SCFD1: variants seen among roughly 807,000 people sequenced by gnomAD.
SCFD1 encodes the protein sec1 family domain containing 1, also known as sec1 family domain-containing protein 1.
A neutral mutation model predicts 103.2 loss-of-function variants in SCFD1; 37 were observed. That is an observed-to-expected ratio of 0.36 (90% CI 0.28 to 0.47). The LOEUF is 0.47. Among genes scored for constraint, SCFD1 ranks in the 20% least tolerant of loss-of-function variants. The pLI is 1.00. For missense variants in SCFD1, 639 were observed against 761.2 expected, an observed-to-expected ratio of 0.84 and a Z score of 1.89; for synonymous variants, 264 against 245.0, an observed-to-expected ratio of 1.08 and a Z score of -0.73.
chr14:30,632,163 A>G (rs1473256762), intron 3 of SCFD1, among the ~76,000 whole-genome samples: 1 of 151,542 alleles, frequency 6.6e-6, no homozygotes, highest in African/African-American at 2.4e-5. Context: ...AGCTATTTGC[A>G]TTTTGTTCTA....
chr14:30,735,164 A>G, intron 24 of SCFD1: 1 of 310,484 alleles, frequency 3.2e-6, no homozygotes, highest in Non-Finnish European at 5.9e-6. Context: ...TTCTCTTTAT[A>G]TTGTCACAAA....
intron 14 of SCFD1, among the ~76,000 whole-genome samples, chr14:30,693,444 T>G (rs1047958603): frequency 6.6e-6 from 1 of 152,214 alleles, no homozygotes; most frequent in Non-Finnish European, 1.5e-5. Context: ...TATAAAACTT[T>G]GGCCTTGCGT....
intron 3 of SCFD1, 166 bp downstream of exon 3, chr14:30,630,731 T>C: frequency 3.8e-6 from 2 of 523,002 alleles, no homozygotes; most frequent in Non-Finnish European, 6.6e-6. Context: ...TCTGAGGCTT[T>C]ATAATTTCAG....
At chr14:30,732,463 TC>T in intron 23 of SCFD1, among the ~76,000 whole-genome samples, 1 of 152,186 alleles carries the variant, frequency 6.6e-6, no homozygotes, top group Non-Finnish European at 1.5e-5. Context: ...GCTACTAAGC[TC>T]CCCAGTTTAT....
In SCFD1 at chr14:30,644,454, A is replaced by C. The variant is rs1885604353; in HGVS notation, c.613+1049A>C. ...CTTTCCACAGTGGCTGAACTAATTT[A>C]CATTCCTACCAACAGCGTATAAGTG... On this transcript the variant is annotated intron_variant, in intron 7 of 24. Coordinates refer to ENST00000458591, the MANE Select transcript of SCFD1 (RefSeq NM_016106.4). Among the ~76,000 whole-genome samples the C allele has an allele frequency of 1.3e-5, 2 of 152,220 alleles. 1 individual carries two copies. Among genetic ancestry groups the C allele is most frequent in the South Asian group, 4.1e-4 (2 of 4,834 alleles).
intron 23 of SCFD1, among the ~76,000 whole-genome samples, chr14:30,726,061 G>A (rs1037485263): frequency 1.3e-5 from 2 of 152,122 alleles, no homozygotes; most frequent in South Asian, 2.1e-4. Context: ...CATTCCACAC[G>A]CTCTTACCCT....
intron 19 of SCFD1, among the ~76,000 whole-genome samples, chr14:30,709,782 T>C (rs1891735313): frequency 6.6e-6 from 1 of 152,180 alleles, no homozygotes; most frequent in Non-Finnish European, 1.5e-5. Context: ...GACAAAATGA[T>C]TTTGTTTCAT....
In SCFD1 at chr14:30,630,532, A is replaced by G. The variant is rs229150; in HGVS notation, c.188A>G (p.Lys63Arg). ...ATAATCTCTCCTCTGCTATCTGTGA[A>G]GGAGCTAAGAGACATGGGAATCACT... The part of the protein sequence containing the change: ...QDIISPLLSV[K>R]ELRDMGITLH... Residue 63 changes from lysine (K) to arginine (R), a missense_variant, in exon 3 of 25, where the codon AAG becomes AGG. Coordinates refer to ENST00000458591, the MANE Select transcript of SCFD1 (RefSeq NM_016106.4). 0.37 allele frequency: 589,481 copies of G among 1,592,614 alleles called. 119,589 individuals are homozygous for G. The highest frequency in any genetic ancestry group is 0.72 in the African/African-American group (53,607 of 74,156).
chr14:30,702,398 A>G (rs1449003133), intron 17 of SCFD1, 23 bp downstream of exon 17: 7 of 1,415,268 alleles, frequency 4.9e-6, no homozygotes, highest in Non-Finnish European at 5.9e-6. Context: ...TTCTTCTTTA[A>G]TTCCTGTCAT....
intron 10 of SCFD1, among the ~76,000 whole-genome samples, chr14:30,669,143 A>G (rs1888300291): frequency 3.3e-5 from 5 of 152,112 alleles, no homozygotes; most frequent in Admixed American, 3.3e-4. Flanking sequence ...TTTATTTGAG[A>G]AAGTTACAAG....
intron 3 of SCFD1, among the ~76,000 whole-genome samples, chr14:30,632,263 A>T (rs1382255472): frequency 2.0e-5 from 3 of 152,136 alleles, no homozygotes; most frequent in Non-Finnish European, 4.4e-5. Flanking sequence ...TTCGATAAGT[A>T]ACTTGACAGA....
chr14:30,715,033 CAA>C (rs1201458421), intron 19 of SCFD1, among the ~76,000 whole-genome samples: 5 of 152,142 alleles, frequency 3.3e-5, no homozygotes, highest in African/African-American at 4.8e-5. Flanking sequence ...ATTTCGTGTT[CAA>C]AGTGGAATCT....
intron 23 of SCFD1, among the ~76,000 whole-genome samples, chr14:30,723,701 A>G (rs933918217): frequency 3.3e-5 from 5 of 152,206 alleles, no homozygotes; most frequent in African/African-American, 1.2e-4. Flanking sequence ...CTGCAGCTCC[A>G]TCTATGTCCC....
chr14:30,648,519 A>T (rs1886075403), intron 7 of SCFD1, among the ~76,000 whole-genome samples: 1 of 152,244 alleles, frequency 6.6e-6, no homozygotes, highest in African/African-American at 2.4e-5. Flanking sequence ...ATAAACAAAA[A>T]CTAGCAGTCC....
intron 11 of SCFD1, among the ~76,000 whole-genome samples, chr14:30,672,554 A>C (rs1888652404): frequency 6.6e-6 from 1 of 152,186 alleles, no homozygotes; most frequent in Admixed American, 6.5e-5. Flanking sequence ...TAGATGAAAA[A>C]TACTCATTTT....
intron 19 of SCFD1, among the ~76,000 whole-genome samples, chr14:30,713,975 C>T (rs954230472): frequency 2.0e-5 from 3 of 152,050 alleles, no homozygotes; most frequent in Non-Finnish European, 2.9e-5. Context: ...TAAATCTGCA[C>T]CCAGTTACTC....
intron 14 of SCFD1, among the ~76,000 whole-genome samples, chr14:30,694,508 TAAA>T (rs947666596): frequency 6.8e-6 from 1 of 147,430 alleles, no homozygotes; most frequent in Non-Finnish European, 1.5e-5. Context: ...CCCATCTCTA[TAAA>T]AAAAAAATAC....
chr14:30,627,006 T>A (rs1032019042), intron 1 of SCFD1, among the ~76,000 whole-genome samples: 37 of 152,228 alleles, frequency 2.4e-4, no homozygotes. Flanking sequence ...TATAGGTTAT[T>A]CTGTATTACT....
chr14:30,672,415 G>A (rs1664793854), intron 11 of SCFD1, among the ~76,000 whole-genome samples: 1 of 152,132 alleles, frequency 6.6e-6, no homozygotes, highest in Non-Finnish European at 1.5e-5. Context: ...GATAAAATGT[G>A]CTTGTTATTA....
Sources: gnomAD v4.1 joint callset for allele counts (sites outside exome capture counted in the v4.1 genomes callset) on GRCh38, gnomAD v4.1.1 for gene constraint, MANE v1.5 for transcripts, NCBI Gene and HGNC (gene_info 2026-07-23, HGNC 2026-07-21) for gene names.